The following ASTN1 variants were observed in gnomAD, a reference collection of about 807,000 sequenced individuals.
ASTN1 encodes the protein astrotactin-1.
ASTN1 carries 41 observed loss-of-function variants against 140.7 expected under a neutral mutation model. That is an observed-to-expected ratio of 0.29 (90% CI 0.23 to 0.38). The LOEUF (loss-of-function observed/expected upper bound fraction) is 0.38, where lower values mean the gene tolerates loss of function less well. Ranked by LOEUF, ASTN1 falls within the 10% of genes least tolerant of loss-of-function variation. The pLI is 1.00. For synonymous variants in ASTN1, 640 were observed against 652.2 expected (o/e 0.98, Z 0.29); for missense variants, 1,479 against 1,678.8 (o/e 0.88, Z 2.08).
At chr1:177,147,724 AC>A (rs1682781177) in intron 1 of ASTN1, among the ~76,000 whole-genome samples, 1 of 152,158 alleles carries the variant, frequency 6.6e-6, no homozygotes, top group Non-Finnish European at 1.5e-5. Flanking sequence ...CCAGGAATGG[AC>A]TCTGATTAGC....
chr1:177,139,457 A>G (rs1228643951), intron 1 of ASTN1, among the ~76,000 whole-genome samples: 1 of 152,226 alleles, frequency 6.6e-6, no homozygotes, highest in Non-Finnish European at 1.5e-5. Context: ...TGTAAACCAA[A>G]TTACGGCCAA....
chr1:176,970,576 T>C lies in ASTN1; in HGVS notation c.1524-5339A>G, dbSNP rs1269050109. Among the ~76,000 whole-genome samples, 11 of 151,476 alleles carry C rather than the reference T, an allele frequency of 7.3e-5. 1 individual carries two copies. Among genetic ancestry groups the C allele is most frequent in the Non-Finnish European group, 1.6e-4 (11 of 67,892 alleles). Reference sequence around the variant, plus strand: ...AGAGATAGGTAGGTAGGTAGGTAGGTAGGTAGGTAGGTAGATAGATAGATA... The same window carrying C: ...AGAGATAGGTAGGTAGGTAGGTAGGCAGGTAGGTAGGTAGATAGATAGATA... On this transcript the variant is annotated intron_variant, in intron 8 of 22. Transcript: ENST00000361833.
At chr1:177,014,049 TAAA>T (rs752231658) in intron 8 of ASTN1, among the ~76,000 whole-genome samples, 3 of 134,696 alleles carry the variant, frequency 2.2e-5, no homozygotes, top group African/African-American at 5.5e-5. Context: ...ATGTCTCAAT[TAAA>T]AAAAAAAAAA....
At chr1:177,008,369 A>G (rs1294405443) in intron 8 of ASTN1, among the ~76,000 whole-genome samples, 1 of 151,520 alleles carries the variant, frequency 6.6e-6, no homozygotes, top group African/African-American at 2.4e-5. Context: ...AGAGGAGAAG[A>G]TAAAAGTAAG....
intron 1 of ASTN1, among the ~76,000 whole-genome samples, chr1:177,071,719 T>C (rs960520679): frequency 6.6e-6 from 1 of 152,204 alleles, no homozygotes; most frequent in African/African-American, 2.4e-5. Flanking sequence ...CTGTAAAGCT[T>C]CTTCTCACTC....
At chr1:177,030,973 G>A (rs1676408589) in intron 3 of ASTN1, 21 bp from the exon 4 acceptor site, 4 of 1,598,104 alleles carry the variant, frequency 2.5e-6, no homozygotes, top group South Asian at 2.3e-5. Flanking sequence ...AAAAGACGAG[G>A]CAAAAACTTT....
chr1:177,024,663 C>A lies in ASTN1; in HGVS notation c.1190G>T (p.Gly397Val). ...TLISITSCVI[G>V]LVCSSHVNCP... ...GTTGACGTGAGAGGAGCACACGAGG[C>A]CAATCACACAGCTGGTGATGCTGAT... is the stretch of plus-strand genomic sequence containing the variant. The change falls in exon 6 of 23, where the codon GGC becomes GTC. Residue 397 changes from glycine (G) to valine (V), a missense_variant. Physicochemically the swap from Gly to Val is moderately radical, Grantham distance 109. This residue lies in a region of ASTN1 where 729 missense variants were observed against 860.4 expected (regional missense o/e 0.85). Coordinates refer to ENST00000361833, the MANE Select transcript of ASTN1 (RefSeq NM_004319.3). 1 of 1,614,004 alleles carries A rather than the reference C, an allele frequency of 6.2e-7. No homozygotes were observed. The highest frequency in any genetic ancestry group is 8.5e-7 in the Non-Finnish European group (1 of 1,179,978).
intron 21 of ASTN1, among the ~76,000 whole-genome samples, chr1:176,872,057 G>A (rs17378662): frequency 0.06 from 9,087 of 152,178 alleles, 351 homozygotes; most frequent in Non-Finnish European, 0.087. Context: ...AAATGGAGTT[G>A]GGCCACACCA....
intron 1 of ASTN1, among the ~76,000 whole-genome samples, chr1:177,143,619 G>T (rs1035853391): frequency 1.3e-5 from 2 of 152,110 alleles, no homozygotes; most frequent in African/African-American, 4.8e-5. Flanking sequence ...ATTTTGCCAT[G>T]TCAATATGCC....
rs191322986 is a variant in ASTN1, at chr1:177,118,657, C to A, written c.283+45737G>T. On this transcript the variant is annotated intron_variant, in intron 1 of 22. Coordinates refer to ENST00000361833, the MANE Select transcript of ASTN1 (RefSeq NM_004319.3). Reference sequence around the variant, plus strand: ...ATCCCCAAACAAAAGTCTTTCCAAACGTTTAATTTCAGGCTGTCTTTAAAA... The same window carrying A: ...ATCCCCAAACAAAAGTCTTTCCAAAAGTTTAATTTCAGGCTGTCTTTAAAA... Among the ~76,000 whole-genome samples, 7 of 152,260 alleles carry A rather than the reference C, an allele frequency of 4.6e-5. No individual in the cohort carries two copies. The South Asian group carries it at 1.2e-3, about 27-fold the overall frequency.
intron 8 of ASTN1, among the ~76,000 whole-genome samples, chr1:177,001,434 T>C (rs370053945): frequency 1.0e-3 from 159 of 152,362 alleles, no homozygotes; most frequent in African/African-American, 3.7e-3. Flanking sequence ...TGTAATATTA[T>C]TGAGCACAAC....
chr1:176,999,178 A>G (rs1440201789), intron 8 of ASTN1, among the ~76,000 whole-genome samples: 4 of 152,236 alleles, frequency 2.6e-5, no homozygotes, highest in Non-Finnish European at 4.4e-5. Flanking sequence ...TAAGAGACAC[A>G]TGGAGACTGT....
In ASTN1 at chr1:176,863,213, C is replaced by T. The variant is rs984256935; in HGVS notation, c.*1071G>A. On this transcript the variant is annotated 3_prime_UTR_variant, in exon 23 of 23. Transcript: ENST00000361833. Reference sequence around the variant, plus strand: ...TTATGGTCATCAGAGAAACGATTTGCAAAACTAGCAACACAAGCAAATTTA... The same window carrying T: ...TTATGGTCATCAGAGAAACGATTTGTAAAACTAGCAACACAAGCAAATTTA... 3.0e-6 allele frequency: 3 copies of T among 985,768 alleles called. No individual in the cohort carries two copies. The highest frequency in any genetic ancestry group is 1.7e-5 in the African/African-American group (1 of 57,242). 61.1% of individuals were successfully genotyped at this position (985,768 alleles called of 1,614,324 possible).
intron 5 of ASTN1, among the ~76,000 whole-genome samples, chr1:177,028,797 C>T (rs1446748313): frequency 6.6e-6 from 1 of 152,210 alleles, no homozygotes; most frequent in Non-Finnish European, 1.5e-5. Context: ...TGATAAAGCT[C>T]TATGTTCTAC....
At chr1:177,121,841 T>C (rs889434915) in intron 1 of ASTN1, among the ~76,000 whole-genome samples, 11 of 152,086 alleles carry the variant, frequency 7.2e-5, no homozygotes, top group African/African-American at 2.7e-4. Flanking sequence ...GTGGGTAACA[T>C]GTGTCCAGAG....
chr1:176,957,936 C>G (rs1672484987), intron 10 of ASTN1, 108 bp from the exon 11 acceptor site: 1 of 1,332,498 alleles, frequency 7.5e-7, no homozygotes, highest in African/African-American at 1.5e-5. Context: ...GTGTCTCACT[C>G]TGTCTTATAA....
chr1:176,889,214 CTGACCCTTCAG>C (rs1400458465), intron 17 of ASTN1, among the ~76,000 whole-genome samples: 3 of 152,226 alleles, frequency 2.0e-5, no homozygotes, highest in Non-Finnish European at 4.4e-5. Flanking sequence ...TGATGGAGTA[CTGACCCTTCAG>C]TGGGGCGCTG....
intron 12 of ASTN1, 109 bp from the exon 13 acceptor site, chr1:176,946,229 C>A: frequency 1.9e-6 from 2 of 1,061,558 alleles, no homozygotes; most frequent in Non-Finnish European, 2.6e-6. Context: ...GTTGGATCAC[C>A]AAAGATTAGA....
Position 177,150,983 on chromosome 1 carries a change from A to G in ASTN1, c.283+13411T>C, listed in dbSNP as rs541288668. 2.6e-5 allele frequency among the ~76,000 whole-genome samples: 4 copies of G among 152,282 alleles called. No individual in the cohort carries two copies. In the South Asian group the frequency reaches 8.3e-4, roughly 32 times the overall value. On this transcript the variant is annotated intron_variant, in intron 1 of 22. Coordinates refer to ENST00000361833, the MANE Select transcript of ASTN1 (RefSeq NM_004319.3). ...GCCCTATAACAAAACATGTTTTGATACAGGCCTATATAGTTAATAATGCGT... is the reference window on the plus strand; with the variant it reads ...GCCCTATAACAAAACATGTTTTGATGCAGGCCTATATAGTTAATAATGCGT...
Sources: gnomAD v4.1 joint callset for allele counts (sites outside exome capture counted in the v4.1 genomes callset) on GRCh38, gnomAD v4.1.1 for gene constraint, gnomAD v4.1.1 regional missense constraint, MANE v1.5 for transcripts, NCBI Gene and HGNC (gene_info 2026-07-23, HGNC 2026-07-21) for gene names.